Variants in SYT16 observed in about 807,000 individuals in gnomAD.
SYT16 encodes synaptotagmin-16.
SYT16 carries 42 observed loss-of-function variants against 61.4 expected under a neutral mutation model. That is an observed-to-expected ratio of 0.68 (90% CI 0.53 to 0.89). SYT16 has a LOEUF of 0.89. SYT16 is among the 40% of genes least tolerant of loss of function. The pLI is 0.00. For missense variants in SYT16, 804 were observed against 807.3 expected (o/e 1.00, Z 0.05); for synonymous variants, 314 against 302.3 (o/e 1.04, Z -0.40).
At chr14:61,903,035 C>A (rs1328854792) in intron 1 of SYT16, among the ~76,000 whole-genome samples, 2 of 152,168 alleles carry the variant, frequency 1.3e-5, no homozygotes, top group Non-Finnish European at 2.9e-5. Context: ...ATTTGGCATT[C>A]CTTGACTTGC....
chr14:61,867,748 T>TG (rs1233596845), intron 1 of SYT16, among the ~76,000 whole-genome samples: 1 of 152,078 alleles, frequency 6.6e-6, no homozygotes, highest in Non-Finnish European at 1.5e-5. Context: ...CTCCCAGTCT[T>TG]GGGGGAAAGC....
intron 7 of SYT16, among the ~76,000 whole-genome samples, chr14:62,088,814 A>T (rs2056973034): frequency 6.6e-6 from 1 of 152,204 alleles, no homozygotes; most frequent in African/African-American, 2.4e-5. Flanking sequence ...CTATTATTTC[A>T]AATATTCTAT....
At chr14:62,061,599 AT>A (rs2055827771) in intron 3 of SYT16, among the ~76,000 whole-genome samples, 1 of 152,176 alleles carries the variant, frequency 6.6e-6, no homozygotes, top group Non-Finnish European at 1.5e-5. Flanking sequence ...GTGCAGTTAC[AT>A]TAATATCAGA....
At chr14:61,971,872 C>T (rs1421943988) in intron 2 of SYT16, among the ~76,000 whole-genome samples, 1 of 152,194 alleles carries the variant, frequency 6.6e-6, no homozygotes, top group Non-Finnish European at 1.5e-5. Flanking sequence ...AAAGCTGGGA[C>T]TTATGAATGG....
chr14:61,950,092 T>G (rs963156219), intron 1 of SYT16, among the ~76,000 whole-genome samples: 1 of 152,214 alleles, frequency 6.6e-6, no homozygotes, highest in African/African-American at 2.4e-5. Flanking sequence ...GTTTGCCCCT[T>G]TCTGAAGTTA....
intron 3 of SYT16, among the ~76,000 whole-genome samples, chr14:62,024,414 A>G (rs536876307): frequency 1.3e-5 from 2 of 152,136 alleles, no homozygotes; most frequent in East Asian, 3.8e-4. Context: ...CTTTTATTTA[A>G]GAAAAGTGAT....
chr14:62,010,303 A>G (rs766106254), intron 3 of SYT16, among the ~76,000 whole-genome samples: 11 of 152,324 alleles, frequency 7.2e-5, no homozygotes, highest in Middle Eastern at 3.4e-3. Context: ...AAAATAAAGC[A>G]GGATAAGGGG....
intron 3 of SYT16, among the ~76,000 whole-genome samples, chr14:62,021,008 G>A (rs1054748086): frequency 8.5e-5 from 13 of 152,108 alleles, no homozygotes; most frequent in South Asian, 2.1e-4. Context: ...TCGGTGCCCT[G>A]CTCATGGTTT....
chr14:61,971,354 TAGAA>T (rs2051547175), intron 2 of SYT16, among the ~76,000 whole-genome samples: 1 of 111,138 alleles, frequency 9.0e-6, no homozygotes, highest in South Asian at 4.1e-4. Context: ...AGGCTGCAGT[TAGAA>T]TGTCATCTCA....
intron 3 of SYT16, among the ~76,000 whole-genome samples, chr14:62,050,231 T>A (rs2055208752): frequency 6.6e-6 from 1 of 152,212 alleles, no homozygotes; most frequent in African/African-American, 2.4e-5. Flanking sequence ...TTTGTCTTCC[T>A]TTGCTGATAC....
At chr14:61,876,132 A>G (rs1399430846) in intron 1 of SYT16, among the ~76,000 whole-genome samples, 3 of 152,214 alleles carry the variant, frequency 2.0e-5, no homozygotes, top group African/African-American at 4.8e-5. Context: ...ATTTATTTCA[A>G]TAGGGCATCT....
chr14:61,986,608 C>A (rs373123657), intron 2 of SYT16, among the ~76,000 whole-genome samples: 9 of 152,058 alleles, frequency 5.9e-5, no homozygotes, highest in African/African-American at 2.2e-4. Context: ...CTCCTCCCCC[C>A]ACCCCACAAC....
intron 1 of SYT16, among the ~76,000 whole-genome samples, chr14:61,941,181 G>A (rs1204622428): frequency 6.6e-6 from 1 of 152,044 alleles, no homozygotes; most frequent in South Asian, 2.1e-4. Context: ...TTGCACAAAC[G>A]CCAGCCTCTT....
intron 3 of SYT16, among the ~76,000 whole-genome samples, chr14:62,021,320 G>A (rs890933045): frequency 1.3e-5 from 2 of 152,112 alleles, no homozygotes; most frequent in Admixed American, 6.5e-5. Flanking sequence ...GTGGTCTTAG[G>A]TGGGTGTTAC....
At chr14:61,955,963 CT>C (rs1301599365) in intron 1 of SYT16, among the ~76,000 whole-genome samples, 1 of 151,672 alleles carries the variant, frequency 6.6e-6, no homozygotes, top group Non-Finnish European at 1.5e-5. Context: ...CTCCTTTTTT[CT>C]TTTATTTTTC....
intron 7 of SYT16, among the ~76,000 whole-genome samples, chr14:62,086,136 G>A (rs1199824996): frequency 6.6e-6 from 1 of 152,134 alleles, no homozygotes; most frequent in Admixed American, 6.5e-5. Flanking sequence ...CCAGCTGGAG[G>A]CCAACAAACC....
intron 3 of SYT16, among the ~76,000 whole-genome samples, chr14:62,067,954 C>T (rs1326045416): frequency 1.3e-5 from 2 of 151,984 alleles, no homozygotes; most frequent in Non-Finnish European, 2.9e-5. Context: ...GCACTGCACT[C>T]CAGCCTGGGT....
intron 1 of SYT16, among the ~76,000 whole-genome samples, chr14:61,915,755 A>G (rs913534493): frequency 2.6e-5 from 4 of 152,226 alleles, no homozygotes; most frequent in African/African-American, 7.2e-5. Flanking sequence ...TGCTTTGTCA[A>G]TTGATCTTTC....
chr14:61,820,226 G>C (rs1824635116), intron 1 of SYT16, among the ~76,000 whole-genome samples: 1 of 152,220 alleles, frequency 6.6e-6, no homozygotes, highest in African/African-American at 2.4e-5. Flanking sequence ...CTTGTACCAT[G>C]AGCATGTGGA....
Sources: gnomAD v4.1 joint callset for allele counts (sites outside exome capture counted in the v4.1 genomes callset) on GRCh38, gnomAD v4.1.1 for gene constraint, MANE v1.5 for transcripts, NCBI Gene and HGNC (gene_info 2026-07-23, HGNC 2026-07-21) for gene names.